The following PAX5 variants were observed in gnomAD, a reference collection of about 807,000 sequenced individuals.
PAX5 encodes the protein paired box protein Pax-5.
Under a neutral mutation model 43.7 loss-of-function variants are expected in PAX5, and 9 were observed. The ratio of observed to expected loss-of-function variants is 0.21; its 90% CI spans 0.12 to 0.36. PAX5 has a LOEUF of 0.36. Among genes scored for constraint, PAX5 ranks in the 10% least tolerant of loss-of-function variants. The pLI, the probability that PAX5 is intolerant of heterozygous loss-of-function variation, is 1.00. For synonymous variants in PAX5, 228 were observed against 214.3 expected, an observed-to-expected ratio of 1.06 and a Z score of -0.56; for missense variants, 383 against 532.7, an observed-to-expected ratio of 0.72 and a Z score of 2.77.
chr9:36,975,454 T>C (rs1373771627), intron 5 of PAX5, among the ~76,000 whole-genome samples: 5 of 152,044 alleles, frequency 3.3e-5, no homozygotes, highest in East Asian at 1.9e-4. Context: ...GGTGTGATCT[T>C]GGCTCACTGC....
At chr9:36,969,513 C>T (rs566508451) in intron 5 of PAX5, among the ~76,000 whole-genome samples, 1 of 152,368 alleles carries the variant, frequency 6.6e-6, no homozygotes, top group Non-Finnish European at 1.5e-5. Context: ...CACAGGCCCT[C>T]AAGTGTACAC....
At chr9:36,868,549 G>C (rs1825124135) in intron 8 of PAX5, among the ~76,000 whole-genome samples, 1 of 152,168 alleles carries the variant, frequency 6.6e-6, no homozygotes, top group Non-Finnish European at 1.5e-5. Context: ...GTGAGGATGG[G>C]GAGGGAGAAA....
intron 2 of PAX5, among the ~76,000 whole-genome samples, chr9:37,018,030 G>A (rs1049046416): frequency 6.6e-6 from 1 of 152,150 alleles, no homozygotes; most frequent in Non-Finnish European, 1.5e-5. Context: ...AGGTGTAGGT[G>A]GCTCTGATGC....
intron 7 of PAX5, among the ~76,000 whole-genome samples, chr9:36,888,949 C>T (rs1040300547): frequency 2.0e-5 from 3 of 152,180 alleles, no homozygotes; most frequent in African/African-American, 2.4e-5. Context: ...ACCACTTACT[C>T]GCTGTGTGAC....
intron 5 of PAX5, among the ~76,000 whole-genome samples, chr9:37,002,032 C>T (rs1164495969): frequency 1.3e-5 from 2 of 151,868 alleles, no homozygotes; most frequent in Non-Finnish European, 2.9e-5. Context: ...AAAAACCAAC[C>T]GGGAAGATTG....
chr9:36,961,938 G>GT (rs1419623022), intron 6 of PAX5, among the ~76,000 whole-genome samples: 3 of 152,090 alleles, frequency 2.0e-5, no homozygotes, highest in African/African-American at 7.2e-5. Context: ...TTCAATAACC[G>GT]TTTTGAAAAG....
At chr9:36,987,667 G>A (rs1836549935) in intron 5 of PAX5, among the ~76,000 whole-genome samples, 1 of 152,218 alleles carries the variant, frequency 6.6e-6, no homozygotes. Context: ...GGGGAGCTAG[G>A]AAGGAGTCAT....
At chr9:36,979,030 G>A (rs1835689418) in intron 5 of PAX5, among the ~76,000 whole-genome samples, 1 of 152,196 alleles carries the variant, frequency 6.6e-6, no homozygotes, top group African/African-American at 2.4e-5. Flanking sequence ...TATCAGGCCT[G>A]AGTTAATCTC....
intron 5 of PAX5, among the ~76,000 whole-genome samples, chr9:36,979,443 C>T (rs1292382514): frequency 6.6e-6 from 1 of 152,230 alleles, no homozygotes; most frequent in Non-Finnish European, 1.5e-5. Context: ...TTGTATTACA[C>T]TGGCAAGTGT....
At chr9:36,973,150 G>A (rs1402154919) in intron 5 of PAX5, among the ~76,000 whole-genome samples, 3 of 80,216 alleles carry the variant, frequency 3.7e-5, no homozygotes, top group Admixed American at 1.5e-4. Context: ...GAAAGGAAAG[G>A]AAAGGAAAGG....
At chr9:36,853,931 C>A (rs1823400237) in intron 8 of PAX5, among the ~76,000 whole-genome samples, 1 of 152,242 alleles carries the variant, frequency 6.6e-6, no homozygotes, top group African/African-American at 2.4e-5. Flanking sequence ...CAAAACGACA[C>A]CTGCCAGATG....
At chr9:36,988,424 C>G (rs1239951494) in intron 5 of PAX5, among the ~76,000 whole-genome samples, 3 of 151,988 alleles carry the variant, frequency 2.0e-5, no homozygotes, top group East Asian at 1.9e-4. Flanking sequence ...ATTTTGGGAG[C>G]CTGAGGCAGG....
chr9:36,842,282 C>T (rs775037982), intron 9 of PAX5, among the ~76,000 whole-genome samples: 2 of 152,218 alleles, frequency 1.3e-5, no homozygotes, highest in Non-Finnish European at 1.5e-5. Context: ...CTTCACCCTG[C>T]CTGCAGGTGA....
At chr9:36,927,306 C>T (rs2131990493) in intron 6 of PAX5, among the ~76,000 whole-genome samples, 1 of 152,240 alleles carries the variant, frequency 6.6e-6, no homozygotes, top group Middle Eastern at 3.4e-3. Context: ...GCTGGGTCTG[C>T]AAGGGAATGC....
At position 37,027,292 on chromosome 9, in the gene PAX5, A is replaced by G. The variant is rs557617078; in HGVS notation, c.47-6491T>C. ...CCCCGGGAGCGTGCAGCCCTCCAAC[A>G]CTGAGACCCGCTGCCTTCAAAGTTC... On this transcript the variant is annotated intron_variant, in intron 1 of 9. Transcript: ENST00000358127. Among the ~76,000 whole-genome samples the G allele has an allele frequency of 3.3e-5, 5 of 152,226 alleles. No homozygotes were observed. In the South Asian group the frequency reaches 1.0e-3, roughly 32 times the overall value.
At chr9:37,003,663 C>A (rs1161812809) in intron 4 of PAX5, among the ~76,000 whole-genome samples, 1 of 151,900 alleles carries the variant, frequency 6.6e-6, no homozygotes, top group African/African-American at 2.4e-5. Flanking sequence ...CATAGCAAGA[C>A]CTACCAAAAA....
At chr9:37,009,859 C>T (rs1249952135) in intron 3 of PAX5, among the ~76,000 whole-genome samples, 2 of 152,040 alleles carry the variant, frequency 1.3e-5, no homozygotes, top group African/African-American at 4.8e-5. Context: ...TAATAAAGCA[C>T]AAGTGGCCCC....
chr9:36,913,064 G>A (rs1054466159), intron 7 of PAX5, among the ~76,000 whole-genome samples: 4 of 152,208 alleles, frequency 2.6e-5, no homozygotes, highest in African/African-American at 9.6e-5. Flanking sequence ...GCCAGAAGAG[G>A]GTGGACTTTC....
At position 36,838,408 on chromosome 9, in the gene PAX5, C is replaced by T. The variant is rs1454204714; in HGVS notation, c.*2152G>A. 1 of 232,720 alleles carries T rather than the reference C, an allele frequency of 4.3e-6. No homozygotes were observed. The highest frequency in any genetic ancestry group is 6.1e-5 in the East Asian group (1 of 16,526). The allele number at this position is 232,720 out of a possible 1,614,324, so 14.4% of individuals were successfully genotyped here. On this transcript the variant is annotated 3_prime_UTR_variant, in exon 10 of 10. Coordinates refer to ENST00000358127, the MANE Select transcript of PAX5 (RefSeq NM_016734.3). ...GGTTGGGGGTCAGGAGCCCGAGTCC[C>T]AGCCCCACCCCCACCAGTCACTGCT... is the stretch of plus-strand genomic sequence containing the variant.
Sources: gnomAD v4.1 joint callset for allele counts (sites outside exome capture counted in the v4.1 genomes callset) on GRCh38, gnomAD v4.1.1 for gene constraint, MANE v1.5 for transcripts, NCBI Gene and HGNC (gene_info 2026-07-23, HGNC 2026-07-21) for gene names.